Variants in CADM2 observed in about 807,000 individuals in gnomAD.
The protein encoded by CADM2 is immunoglobulin superfamily member 4D.
Under a neutral mutation model 49.8 loss-of-function variants are expected in CADM2, and 12 were observed. The ratio of observed to expected loss-of-function variants is 0.24; its 90% CI spans 0.15 to 0.39. The LOEUF is 0.39. CADM2 is among the 10% of genes least tolerant of loss of function. The pLI is 1.00. For synonymous variants in CADM2, 214 were observed against 175.4 expected, an observed-to-expected ratio of 1.22 and a Z score of -1.74; for missense variants, 378 against 492.3, an observed-to-expected ratio of 0.77 and a Z score of 2.20.
At chr3:85,352,547 A>G (rs1182010016) in intron 1 of CADM2, among the ~76,000 whole-genome samples, 1 of 152,092 alleles carries the variant, frequency 6.6e-6, no homozygotes, top group Non-Finnish European at 1.5e-5. Context: ...TTGGAGGACC[A>G]GGTCTGACTT....
At chr3:85,751,413 C>T (rs2107860874) in intron 2 of CADM2, among the ~76,000 whole-genome samples, 1 of 152,182 alleles carries the variant, frequency 6.6e-6, no homozygotes, top group East Asian at 1.9e-4. Context: ...ATCTTAATGA[C>T]ATGTTTAAAT....
chr3:86,007,423 T>C (rs1268688663), intron 8 of CADM2, among the ~76,000 whole-genome samples: 1 of 152,180 alleles, frequency 6.6e-6, no homozygotes, highest in South Asian at 2.1e-4. Flanking sequence ...TAGCACATTC[T>C]AATAATCTGT....
At position 85,795,765 on chromosome 3, in the gene CADM2, G is replaced by T. The variant is rs181726811; in HGVS notation, c.89-6282G>T. Among the ~76,000 whole-genome samples the T allele has an allele frequency of 2.4e-3, 369 of 152,320 alleles. 1 individual carries two copies. The highest frequency in any genetic ancestry group is 8.4e-3 in the African/African-American group (348 of 41,586). ...AGGATAAGATATTTAAGAACAGTTA[G>T]TATTGACATCTTAAATTTCCAATTT... is the stretch of plus-strand genomic sequence containing the variant. On this transcript the variant is annotated intron_variant, in intron 2 of 9. Coordinates refer to ENST00000383699, the MANE Select transcript of CADM2 (RefSeq NM_001167675.2).
At chr3:85,877,558 G>T (rs910233917) in intron 3 of CADM2, among the ~76,000 whole-genome samples, 1 of 151,860 alleles carries the variant, frequency 6.6e-6, no homozygotes, top group Non-Finnish European at 1.5e-5. Flanking sequence ...TATTTTCAAA[G>T]TTCACTCATT....
At chr3:85,498,914 A>G (rs1475741199) in intron 1 of CADM2, among the ~76,000 whole-genome samples, 1 of 152,150 alleles carries the variant, frequency 6.6e-6, no homozygotes, top group Non-Finnish European at 1.5e-5. Flanking sequence ...GACTTTATTG[A>G]GAGTCCAGTA....
At chr3:85,107,288 G>A (rs1284518052) in intron 1 of CADM2, among the ~76,000 whole-genome samples, 3 of 152,158 alleles carry the variant, frequency 2.0e-5, no homozygotes, top group African/African-American at 7.2e-5. Flanking sequence ...ATAAGTTTTG[G>A]TAATAAAAAG....
In CADM2 at chr3:86,070,265, G is replaced by T. The variant is rs1326038930; in HGVS notation, c.*3482G>T. ...ATAAATATCTCAATCAAAAGTACAGGCTCATTTGTAATTATGTACTCATGA... is the reference window on the plus strand; with the variant it reads ...ATAAATATCTCAATCAAAAGTACAGTCTCATTTGTAATTATGTACTCATGA... On this transcript the variant is annotated 3_prime_UTR_variant, in exon 10 of 10. Transcript: ENST00000383699. 6.6e-6 allele frequency: 1 copy of T among 151,780 alleles called. No homozygotes were observed. The highest frequency in any genetic ancestry group is 1.9e-4 in the East Asian group (1 of 5,166). 9.4% of individuals were successfully genotyped at this position (151,780 alleles called of 1,614,324 possible).
At chr3:85,899,375 G>T (rs895035497) in intron 5 of CADM2, among the ~76,000 whole-genome samples, 1 of 152,014 alleles carries the variant, frequency 6.6e-6, no homozygotes, top group African/African-American at 2.4e-5. Flanking sequence ...TGCCATTTAG[G>T]CTTAGGTTTT....
intron 6 of CADM2, among the ~76,000 whole-genome samples, chr3:85,926,168 A>G (rs1032644032): frequency 7.3e-6 from 1 of 137,014 alleles, no homozygotes; most frequent in African/African-American, 2.7e-5. Flanking sequence ...AAATAAATAA[A>G]TAAATAAATA....
intron 1 of CADM2, among the ~76,000 whole-genome samples, chr3:85,357,775 C>T (rs1326229142): frequency 6.6e-6 from 1 of 152,030 alleles, no homozygotes; most frequent in Admixed American, 6.6e-5. Flanking sequence ...AGTAAATTAT[C>T]AGTGGGAAAA....
chr3:86,015,315 G>A (rs1161149894), intron 8 of CADM2, among the ~76,000 whole-genome samples: 1 of 152,150 alleles, frequency 6.6e-6, no homozygotes, highest in Admixed American at 6.5e-5. Context: ...TCTTCCAGAA[G>A]AGAACATTGA....
At chr3:85,442,238 T>C (rs924070119) in intron 1 of CADM2, among the ~76,000 whole-genome samples, 2 of 152,064 alleles carry the variant, frequency 1.3e-5, no homozygotes, top group African/African-American at 4.8e-5. Flanking sequence ...CTTTCCTTGT[T>C]GCTGACTTGT....
intron 1 of CADM2, among the ~76,000 whole-genome samples, chr3:85,506,181 G>A (rs180677313): frequency 6.6e-6 from 1 of 152,204 alleles, no homozygotes; most frequent in Non-Finnish European, 1.5e-5. Flanking sequence ...AAATTGTGGA[G>A]ATAAGGGCAG....
intron 1 of CADM2, among the ~76,000 whole-genome samples, chr3:85,004,650 CCAGA>C (rs5850658): frequency 0.38 from 58,109 of 151,494 alleles, 11,276 homozygotes; most frequent in Admixed American, 0.43. Flanking sequence ...GATCTTTCAG[CCAGA>C]CAAAGTTTGA....
At chr3:85,768,753 A>T (rs1388177674) in intron 2 of CADM2, among the ~76,000 whole-genome samples, 1 of 138,080 alleles carries the variant, frequency 7.2e-6, no homozygotes, top group Non-Finnish European at 1.5e-5. Flanking sequence ...ACATATATAC[A>T]TATATAGTAT....
chr3:85,615,247 A>C (rs1231383080), intron 1 of CADM2, among the ~76,000 whole-genome samples: 1 of 151,956 alleles, frequency 6.6e-6, no homozygotes, highest in African/African-American at 2.4e-5. Context: ...AAAAGAAAGA[A>C]AGAGAAAGAA....
chr3:85,235,049 C>G (rs2042380036), intron 1 of CADM2, among the ~76,000 whole-genome samples: 2 of 152,050 alleles, frequency 1.3e-5, no homozygotes, highest in South Asian at 4.1e-4. Context: ...CTCTCTGTCT[C>G]TCTCACCCCT....
chr3:86,021,022 A>G (rs1417169286), intron 8 of CADM2, among the ~76,000 whole-genome samples: 8 of 152,108 alleles, frequency 5.3e-5, no homozygotes, highest in Non-Finnish European at 1.2e-4. Flanking sequence ...ACAGAGTCTT[A>G]TTCTGTCACC....
intron 8 of CADM2, among the ~76,000 whole-genome samples, chr3:86,043,574 C>CAAAT (rs1736233451): frequency 6.8e-6 from 1 of 148,092 alleles, no homozygotes; most frequent in Admixed American, 6.7e-5. Flanking sequence ...AATAAAAGAA[C>CAAAT]GGAAGAACAT....
Sources: gnomAD v4.1 joint callset for allele counts (sites outside exome capture counted in the v4.1 genomes callset) on GRCh38, gnomAD v4.1.1 for gene constraint, MANE v1.5 for transcripts, NCBI Gene and HGNC (gene_info 2026-07-23, HGNC 2026-07-21) for gene names.